TMEM244: variants seen among roughly 807,000 people sequenced by gnomAD.
The protein encoded by TMEM244 is putative transmembrane protein 244.
TMEM244 carries 13 observed loss-of-function variants against 15.8 expected under a neutral mutation model. That is an observed-to-expected ratio of 0.82 (90% CI 0.53 to 1.30). TMEM244 has a LOEUF of 1.30. TMEM244 is among the 50% of genes most tolerant of loss of function. The pLI is 0.00. For missense variants in TMEM244, 161 were observed against 144.9 expected, an observed-to-expected ratio of 1.11 and a Z score of -0.57; for synonymous variants, 45 against 48.7, an observed-to-expected ratio of 0.92 and a Z score of 0.32.
chr6:129,855,435 TAGTA>T (rs199849685), intron 1 of TMEM244, among the ~76,000 whole-genome samples: 3,350 of 152,282 alleles, frequency 0.022, 33 homozygotes, highest in African/African-American at 0.027. Flanking sequence ...CCAAAGAACT[TAGTA>T]AGTATTTTCC....
At chr6:129,847,174 TAA>T (rs1776572130) in intron 1 of TMEM244, among the ~76,000 whole-genome samples, 1 of 152,046 alleles carries the variant, frequency 6.6e-6, no homozygotes, top group Admixed American at 6.6e-5. Flanking sequence ...AAGAAACACC[TAA>T]AGAGCCAATA....
chr6:129,834,578 C>A (rs535411826), intron 3 of TMEM244, among the ~76,000 whole-genome samples: 1 of 152,286 alleles, frequency 6.6e-6, no homozygotes, highest in East Asian at 1.9e-4. Flanking sequence ...TGATTGCAGT[C>A]GGTAAGCGAG....
At chr6:129,852,295 A>G (rs1406220937) in intron 1 of TMEM244, among the ~76,000 whole-genome samples, 1 of 152,150 alleles carries the variant, frequency 6.6e-6, no homozygotes, top group African/African-American at 2.4e-5. Flanking sequence ...GCTTTGATTA[A>G]TACAATTTTG....
Position 129,861,200 on chromosome 6 carries a change from A to T in TMEM244, c.-12T>A. ...ACCTGGAGAGCCATGTACACATCCT[A>T]CGTCAAGGAGGTGATGAAAGCCCCA... is the stretch of plus-strand genomic sequence containing the variant. On this transcript the variant is annotated 5_prime_UTR_variant, in exon 1 of 5. Coordinates refer to ENST00000368143, the MANE Select transcript of TMEM244 (RefSeq NM_001010876.2). 1 of 1,613,616 alleles carries T rather than the reference A, an allele frequency of 6.2e-7. No individual in the cohort carries two copies. The highest frequency in any genetic ancestry group is 1.1e-5 in the South Asian group (1 of 91,058).
chr6:129,847,922 G>A (rs1211257583), intron 1 of TMEM244, among the ~76,000 whole-genome samples: 1 of 151,706 alleles, frequency 6.6e-6, no homozygotes, highest in Non-Finnish European at 1.5e-5. Context: ...TTACAGGCAT[G>A]CACCACCAAG....
chr6:129,859,594 G>A (rs1776772016), intron 1 of TMEM244, among the ~76,000 whole-genome samples: 1 of 152,204 alleles, frequency 6.6e-6, no homozygotes, highest in Non-Finnish European at 1.5e-5. Flanking sequence ...CCGTCTACTG[G>A]AGTAGAATAC....
Position 129,833,557 on chromosome 6 carries a change from G to A in TMEM244, c.222C>T (p.Tyr74=), listed in dbSNP as rs770850962. ...GAACAAAAAACAATCCACAAACAAA[G>A]TAGGTGACCTCTGTTGAAACTAAAA... ...KVLLVSTEVT[Y]FVCGLFFVPV... The change falls in exon 4 of 5, where the codon TAC becomes TAT. Residue 74 remains tyrosine (Y), a synonymous_variant. Coordinates refer to ENST00000368143, the MANE Select transcript of TMEM244 (RefSeq NM_001010876.2). 1.9e-6 allele frequency: 3 copies of A among 1,612,570 alleles called. No homozygotes were observed. In the East Asian group the frequency reaches 6.7e-5, roughly 36 times the overall value.
chr6:129,838,582 C>A (rs1776441552), intron 3 of TMEM244, among the ~76,000 whole-genome samples: 1 of 152,064 alleles, frequency 6.6e-6, no homozygotes, highest in Admixed American at 6.5e-5. Flanking sequence ...TAACCAAGAT[C>A]AGAGCAGAAC....
At chr6:129,843,018 C>G (rs1206975024) in intron 3 of TMEM244, among the ~76,000 whole-genome samples, 4 of 151,568 alleles carry the variant, frequency 2.6e-5, no homozygotes, top group Admixed American at 1.3e-4. Context: ...AAAATAAAAC[C>G]AAGCAGAAAT....
At chr6:129,849,041 A>G (rs1345062211) in intron 1 of TMEM244, among the ~76,000 whole-genome samples, 1 of 152,116 alleles carries the variant, frequency 6.6e-6, no homozygotes, top group African/African-American at 2.4e-5. Flanking sequence ...GGATTGTACT[A>G]CAAACCCAGA....
chr6:129,853,752 C>T (rs1165420630), intron 1 of TMEM244, among the ~76,000 whole-genome samples: 1 of 152,044 alleles, frequency 6.6e-6, no homozygotes, highest in Non-Finnish European at 1.5e-5. Context: ...TTAGAATCTC[C>T]CAAAAGCATG....
chr6:129,834,483 C>CAGAA (rs71708734), intron 3 of TMEM244, among the ~76,000 whole-genome samples: 3 of 11,844 alleles, frequency 2.5e-4, no homozygotes, highest in Non-Finnish European at 1.3e-3. Context: ...TAAATCTAAG[C>CAGAA]AAACTCTATA....
intron 1 of TMEM244, among the ~76,000 whole-genome samples, chr6:129,855,506 C>T (rs1285843306): frequency 2.0e-5 from 3 of 152,172 alleles, no homozygotes; most frequent in Non-Finnish European, 2.9e-5. Context: ...ACTATTACTA[C>T]ACACAATAAA....
intron 1 of TMEM244, among the ~76,000 whole-genome samples, chr6:129,857,495 A>T: frequency 6.6e-6 from 1 of 152,106 alleles, no homozygotes; most frequent in East Asian, 1.9e-4. Context: ...AGCTGGGATT[A>T]CAGGCACATG....
At chr6:129,838,904 C>G (rs1394280851) in intron 3 of TMEM244, among the ~76,000 whole-genome samples, 1 of 152,036 alleles carries the variant, frequency 6.6e-6, no homozygotes, top group African/African-American at 2.4e-5. Flanking sequence ...CTGAATAGAC[C>G]AATAACAGGT....
chr6:129,846,890 G>A (rs1024975420), intron 1 of TMEM244, among the ~76,000 whole-genome samples: 1 of 152,154 alleles, frequency 6.6e-6, no homozygotes, highest in Non-Finnish European at 1.5e-5. Flanking sequence ...GCAGATTAAT[G>A]AGAATCAGAA....
chr6:129,857,761 C>T (rs553839718), intron 1 of TMEM244, among the ~76,000 whole-genome samples: 4 of 151,392 alleles, frequency 2.6e-5, no homozygotes, highest in African/African-American at 7.3e-5. Flanking sequence ...AATACACCAG[C>T]TTTAGGATTG....
intron 3 of TMEM244, among the ~76,000 whole-genome samples, chr6:129,839,531 C>T (rs1776456480): frequency 6.6e-6 from 1 of 152,158 alleles, no homozygotes; most frequent in South Asian, 2.1e-4. Context: ...GAAAAGGATG[C>T]CCTCTCTCAG....
intron 1 of TMEM244, among the ~76,000 whole-genome samples, chr6:129,856,787 TGTTA>T (rs1163261489): frequency 1.3e-5 from 2 of 152,074 alleles, no homozygotes; most frequent in African/African-American, 4.8e-5. Context: ...AAAACAACTT[TGTTA>T]TTTTTATTGA....
Sources: allele counts gnomAD v4.1 joint callset (sites outside exome capture counted in the v4.1 genomes callset), GRCh38; gene constraint gnomAD v4.1.1; transcripts MANE v1.5; gene names NCBI Gene and HGNC (gene_info 2026-07-23, HGNC 2026-07-21).